Variants in CSGALNACT1 observed in about 807,000 individuals in gnomAD.
CSGALNACT1 encodes chondroitin sulfate N-acetylgalactosaminyltransferase 1, also known as beta4GalNAcT-1.
CSGALNACT1 carries 52 observed loss-of-function variants against 51.0 expected under a neutral mutation model. The ratio of observed to expected loss-of-function variants is 1.02; its 90% CI spans 0.82 to 1.29. The LOEUF is 1.29. Ranked by LOEUF, CSGALNACT1 falls within the 50% of genes most tolerant of loss-of-function variation. CSGALNACT1 has a pLI of 0.00. For synonymous variants in CSGALNACT1, 341 were observed against 254.4 expected (o/e 1.34, Z -3.24); for missense variants, 935 against 679.2 (o/e 1.38, Z -4.19).
At position 19,524,984 on chromosome 8, in the gene CSGALNACT1, G is replaced by A. The variant is rs530810981; in HGVS notation, c.-296-18854C>T. Among the ~76,000 whole-genome samples, 174 of 152,318 alleles carry A rather than the reference G, an allele frequency of 1.1e-3. 1 individual carries two copies. Among genetic ancestry groups the A allele is most frequent in the Middle Eastern group, 3.4e-3 (1 of 294 alleles). Reference sequence around the variant, plus strand: ...ACTTGTAAACCAGAACAGTATCTCTGAGGACCAGCCAAGGAAATTGAGAAA... The same window carrying A: ...ACTTGTAAACCAGAACAGTATCTCTAAGGACCAGCCAAGGAAATTGAGAAA... On this transcript the variant is annotated intron_variant, in intron 3 of 9. Coordinates refer to ENST00000454498, the Ensembl canonical transcript of CSGALNACT1.
At chr8:19,657,880 G>A (rs1420072926) in intron 1 of CSGALNACT1, among the ~76,000 whole-genome samples, 1 of 152,068 alleles carries the variant, frequency 6.6e-6, no homozygotes, top group Non-Finnish European at 1.5e-5. Flanking sequence ...GGGCACCCCC[G>A]ATGGGGTTTC....
At chr8:19,607,154 CAA>C (rs5889878), upstream of CSGALNACT1, among the ~76,000 whole-genome samples, 28 of 123,924 alleles carry the variant, frequency 2.3e-4, no homozygotes, top group African/African-American at 2.6e-4. Flanking sequence ...GACTCCGTCT[CAA>C]AAAAAAAAAA....
rs150097493 is a variant in CSGALNACT1, at chr8:19,586,160, C to T, written c.-297+5000G>A. ...GGCAGATCACATGAGGTCAGGAGTT[C>T]GAGACTAGCCTGGCCAACATAGCAA... On this transcript the variant is annotated intron_variant, in intron 3 of 9. Coordinates refer to ENST00000454498, the Ensembl canonical transcript of CSGALNACT1. 1.7e-3 allele frequency among the ~76,000 whole-genome samples: 255 copies of T among 152,106 alleles called. 1 individual carries two copies. The highest frequency in any genetic ancestry group is 5.7e-3 in the African/African-American group (236 of 41,494).
chr8:19,694,562 T>C (rs968699173), intron 1 of CSGALNACT1, among the ~76,000 whole-genome samples: 1 of 152,260 alleles, frequency 6.6e-6, no homozygotes, highest in African/African-American at 2.4e-5. Flanking sequence ...TTCCTAAGCC[T>C]ACACACACTA....
At chr8:19,629,150 G>C (rs2054860593) in intron 1 of CSGALNACT1, among the ~76,000 whole-genome samples, 1 of 152,146 alleles carries the variant, frequency 6.6e-6, no homozygotes, top group South Asian at 2.1e-4. Flanking sequence ...AAAGACTTTT[G>C]AGAGCATGCC....
At chr8:19,473,656 T>G (rs1409672874) in intron 4 of CSGALNACT1, among the ~76,000 whole-genome samples, 1 of 152,256 alleles carries the variant, frequency 6.6e-6, no homozygotes, top group Non-Finnish European at 1.5e-5. Context: ...TCAACTGCTT[T>G]GTACTTCAAG....
intron 1 of CSGALNACT1, among the ~76,000 whole-genome samples, chr8:19,697,874 GT>G (rs2061663082): frequency 6.6e-6 from 1 of 152,204 alleles, no homozygotes. Context: ...TTAGAAGAGG[GT>G]GAGAAATACG....
At chr8:19,715,674 G>C (rs1368658595) in intron 1 of CSGALNACT1, among the ~76,000 whole-genome samples, 1 of 152,146 alleles carries the variant, frequency 6.6e-6, no homozygotes, top group Non-Finnish European at 1.5e-5. Flanking sequence ...TTGAAAGTGT[G>C]GGAGAATAAA....
At chr8:19,438,298 C>T (rs999626693) in intron 6 of CSGALNACT1, among the ~76,000 whole-genome samples, 3 of 152,124 alleles carry the variant, frequency 2.0e-5, no homozygotes, top group Middle Eastern at 3.2e-3. Context: ...TAGAATCATC[C>T]GGGAAACTTT....
chr8:19,578,444 C>T (rs150591340), intron 3 of CSGALNACT1, among the ~76,000 whole-genome samples: 23 of 152,240 alleles, frequency 1.5e-4, no homozygotes, highest in African/African-American at 5.1e-4. Flanking sequence ...GCCTCTCTTG[C>T]GTGTGGAGTG....
intron 5 of CSGALNACT1, among the ~76,000 whole-genome samples, chr8:19,443,957 A>C (rs902663973): frequency 1.3e-5 from 2 of 152,190 alleles, no homozygotes; most frequent in African/African-American, 4.8e-5. Context: ...AGAGTCTCAT[A>C]AGGAACACAC....
chr8:19,588,727 GA>G (rs1344044827), intron 3 of CSGALNACT1, among the ~76,000 whole-genome samples: 3 of 152,184 alleles, frequency 2.0e-5, no homozygotes, highest in Non-Finnish European at 4.4e-5. Context: ...GGTTGGCACT[GA>G]AAGAAATTAT....
chr8:19,739,155 C>G (rs77300421), intron 1 of CSGALNACT1, among the ~76,000 whole-genome samples: 4,788 of 151,172 alleles, frequency 0.032, 263 homozygotes, highest in African/African-American at 0.11. Context: ...ATGCTTCTAT[C>G]GTGCTACTCA....
At chr8:19,454,714 C>G (rs75600442) in intron 5 of CSGALNACT1, among the ~76,000 whole-genome samples, 13,980 of 151,878 alleles carry the variant, frequency 0.092, 836 homozygotes, top group Middle Eastern at 0.19. Context: ...GAAGATGAGA[C>G]ACAGAAGGCA....
At chr8:19,576,671 C>T (rs2044297037) in intron 3 of CSGALNACT1, among the ~76,000 whole-genome samples, 1 of 133,682 alleles carries the variant, frequency 7.5e-6, no homozygotes, top group South Asian at 2.4e-4. Flanking sequence ...ATCCAGCAGA[C>T]CCCCGACAGG....
rs936062349 is a variant in CSGALNACT1 at position 19,505,136 on chromosome 8, G to A, written c.634+65C>T. ...TGCCAGCCTCCTGGAGCTGGAACCT[G>A]CCTGGGTGCCAGGAACCCCCAATTC... is the stretch of plus-strand genomic sequence containing the variant. On this transcript the variant is annotated intron_variant, in intron 4 of 9. Coordinates refer to ENST00000454498, the Ensembl canonical transcript of CSGALNACT1. 5.0e-6 allele frequency: 8 copies of A among 1,593,304 alleles called. No homozygotes were observed. The South Asian group carries it at 5.5e-5, about 11-fold the overall frequency.
chr8:19,523,459 G>A (rs967955804), intron 3 of CSGALNACT1, among the ~76,000 whole-genome samples: 3 of 151,700 alleles, frequency 2.0e-5, no homozygotes, highest in East Asian at 3.9e-4. Flanking sequence ...TTGTGGAGAC[G>A]TAGTCTTGCA....
intron 1 of CSGALNACT1, among the ~76,000 whole-genome samples, chr8:19,705,930 C>T (rs762618635): frequency 1.3e-5 from 2 of 152,090 alleles, no homozygotes; most frequent in Admixed American, 6.5e-5. Context: ...TTCATTTCCT[C>T]GATTATCTTC....
At chr8:19,586,735 G>T (rs1220746727) in intron 3 of CSGALNACT1, among the ~76,000 whole-genome samples, 3 of 152,160 alleles carry the variant, frequency 2.0e-5, no homozygotes, top group Admixed American at 2.0e-4. Flanking sequence ...ACCTAAGAAG[G>T]TTGAGAAATG....
Sources: allele counts gnomAD v4.1 joint callset (sites outside exome capture counted in the v4.1 genomes callset), GRCh38; gene constraint gnomAD v4.1.1; transcripts MANE v1.5; gene names NCBI Gene and HGNC (gene_info 2026-07-23, HGNC 2026-07-21).